Variants in TTLL9 observed in about 807,000 individuals in gnomAD.
TTLL9 encodes probable tubulin polyglutamylase TTLL9.
In TTLL9, 47 loss-of-function variants were observed where a neutral mutation model predicts 65.6. The observed-to-expected ratio is 0.72, with a 90% confidence interval of 0.57 to 0.91. The LOEUF is 0.91. Among genes scored for constraint, TTLL9 ranks in the 40% least tolerant of loss-of-function variants. The pLI is 0.00. For synonymous variants in TTLL9, 179 were observed against 204.8 expected (o/e 0.87, Z 1.07); for missense variants, 537 against 568.8 (o/e 0.94, Z 0.57).
At chr20:31,882,120 T>C (rs756604948) in intron 2 of TTLL9, among the ~76,000 whole-genome samples, 1 of 152,176 alleles carries the variant, frequency 6.6e-6, no homozygotes, top group Non-Finnish European at 1.5e-5. Context: ...ATACTTTGTG[T>C]ACCCTCACGA....
intron 3 of TTLL9, among the ~76,000 whole-genome samples, chr20:31,889,334 C>G (rs1568750268): frequency 6.6e-6 from 1 of 152,008 alleles, no homozygotes; most frequent in African/African-American, 2.4e-5. Flanking sequence ...GATCATGGCT[C>G]ACTGCAGCCT....
At chr20:31,880,248 A>T (rs2063098337) in intron 2 of TTLL9, among the ~76,000 whole-genome samples, 1 of 152,072 alleles carries the variant, frequency 6.6e-6, no homozygotes, top group African/African-American at 2.4e-5. Context: ...GACTTGGCGA[A>T]ACCCGCCTGC....
At chr20:31,926,139 G>A (rs1185287067) in intron 10 of TTLL9, 48 bp downstream of exon 10, 2 of 1,359,394 alleles carry the variant, frequency 1.5e-6, no homozygotes, top group South Asian at 1.2e-5. Flanking sequence ...CCAGTTTTGT[G>A]GGGGTGATTC....
Position 31,909,830 on chromosome 20 carries a change from T to C in TTLL9, c.412T>C (p.Phe138Leu), listed in dbSNP as rs780908850. The C allele has an allele frequency of 3.7e-6, 6 of 1,614,192 alleles. No homozygotes were observed. The Admixed American group carries it at 8.3e-5, about 22-fold the overall frequency. Reference protein sequence around the residue: ...AGKLEAAKCDFFPKTFEMPCE... With the variant: ...AGKLEAAKCDLFPKTFEMPCE... ...AAAGCTGGAGGCAGCCAAGTGTGAC[T>C]TCTTCCCCAAAACCTTTGAGATGCC... The change falls in exon 6 of 15, where the codon TTC (phenylalanine) becomes CTC (leucine). Residue 138 changes from phenylalanine (F) to leucine (L), a missense_variant. Coordinates refer to ENST00000535842, the MANE Select transcript of TTLL9 (RefSeq NM_001008409.5).
At chr20:31,876,148 T>C (rs538984454) in intron 2 of TTLL9, among the ~76,000 whole-genome samples, 1 of 152,324 alleles carries the variant, frequency 6.6e-6, no homozygotes, top group South Asian at 2.1e-4. Context: ...TATGGTATTT[T>C]ATTATTAGAA....
At chr20:31,890,063 T>G (rs539829424) in intron 3 of TTLL9, among the ~76,000 whole-genome samples, 21 of 108,866 alleles carry the variant, frequency 1.9e-4, no homozygotes, top group East Asian at 4.1e-4. Context: ...TCTTTCTCTT[T>G]CTTTCTTGCT....
intron 2 of TTLL9, among the ~76,000 whole-genome samples, chr20:31,875,894 G>A (rs6061010): frequency 1.5e-4 from 23 of 152,176 alleles, no homozygotes; most frequent in Non-Finnish European, 2.6e-4. Context: ...GTTTTGACAC[G>A]CAGGGATACT....
At chr20:31,911,124 G>A (rs1448316702) in intron 6 of TTLL9, among the ~76,000 whole-genome samples, 2 of 151,944 alleles carry the variant, frequency 1.3e-5, no homozygotes, top group Admixed American at 6.6e-5. Flanking sequence ...GCAGTAAGCC[G>A]AGATCGCCCC....
At chr20:31,940,799 G>A (rs939124766) in intron 14 of TTLL9, 5 of 152,166 alleles carry the variant, frequency 3.3e-5, no homozygotes, top group Non-Finnish European at 7.3e-5. Flanking sequence ...TGGTAGACTC[G>A]GGGTTCTAAG....
At chr20:31,881,930 T>C (rs1001775233) in intron 2 of TTLL9, among the ~76,000 whole-genome samples, 2 of 152,058 alleles carry the variant, frequency 1.3e-5, no homozygotes, top group Non-Finnish European at 2.9e-5. Flanking sequence ...AGGAAAAAAA[T>C]AGTGGACTAC....
At position 31,888,849 on chromosome 20, in the gene TTLL9, G is replaced by A. The variant is rs749373850; in HGVS notation, c.113+1610G>A. 2.0e-5 allele frequency among the ~76,000 whole-genome samples: 3 copies of A among 152,090 alleles called. No homozygotes were observed. The East Asian group carries it at 5.8e-4, about 29-fold the overall frequency. On this transcript the variant is annotated intron_variant, in intron 3 of 14. Transcript: ENST00000535842. ...GCTCTTTTAAACAACCAGATCTCCC[G>A]TGAACTAAGTGAAAACTCACTTATC...
intron 4 of TTLL9, among the ~76,000 whole-genome samples, chr20:31,901,694 A>G (rs769236227): frequency 1.3e-5 from 2 of 152,054 alleles, no homozygotes; most frequent in Non-Finnish European, 2.9e-5. Context: ...TGCTCTTCCC[A>G]GTGCTAGAAC....
chr20:31,909,046 G>T (rs1490582164), intron 5 of TTLL9, among the ~76,000 whole-genome samples: 1 of 151,800 alleles, frequency 6.6e-6, no homozygotes, highest in East Asian at 1.9e-4. Flanking sequence ...ATGGGAAGGA[G>T]GTCTAGAAGG....
At chr20:31,871,416 T>C (rs1323930692) in intron 2 of TTLL9, among the ~76,000 whole-genome samples, 1 of 152,168 alleles carries the variant, frequency 6.6e-6, no homozygotes, top group Non-Finnish European at 1.5e-5. Flanking sequence ...CTTCCTGGCT[T>C]CTAGGACCAA....
Position 31,943,310 on chromosome 20 carries a change from G to A in TTLL9, c.*289G>A, listed in dbSNP as rs1388309438. On this transcript the variant is annotated 3_prime_UTR_variant, in exon 15 of 15. Transcript: ENST00000535842. ...GGCCCAAAGAGAACAAATACAGCAA[G>A]TTCTGCTACCCCCAGGAGATCATAT... is the stretch of plus-strand genomic sequence containing the variant. 1 of 483,560 alleles carries A rather than the reference G, an allele frequency of 2.1e-6. No homozygotes were observed. Among genetic ancestry groups the A allele is most frequent in the African/African-American group, 2.0e-5 (1 of 51,172 alleles). 30.0% of individuals were successfully genotyped at this position (483,560 alleles called of 1,614,324 possible).
At chr20:31,927,624 A>G (rs942414111) in intron 10 of TTLL9, among the ~76,000 whole-genome samples, 5 of 152,146 alleles carry the variant, frequency 3.3e-5, no homozygotes, top group African/African-American at 1.2e-4. Context: ...TGAATGTATT[A>G]TCTGGTCAAA....
At chr20:31,879,169 A>T (rs1422116110) in intron 2 of TTLL9, among the ~76,000 whole-genome samples, 3 of 152,190 alleles carry the variant, frequency 2.0e-5, no homozygotes, top group Non-Finnish European at 2.9e-5. Flanking sequence ...AAAAATACAA[A>T]AATTACTCAG....
At chr20:31,906,020 T>G (rs1600567383) in intron 4 of TTLL9, among the ~76,000 whole-genome samples, 1 of 105,072 alleles carries the variant, frequency 9.5e-6, no homozygotes, top group African/African-American at 3.9e-5. Context: ...GCAACAAGAG[T>G]GAAATTTCAT....
intron 3 of TTLL9, among the ~76,000 whole-genome samples, chr20:31,887,651 C>T (rs540812357): frequency 1.3e-5 from 2 of 152,246 alleles, no homozygotes; most frequent in African/African-American, 4.8e-5. Flanking sequence ...GTCAGCTGTG[C>T]TCTGATCTTC....
Sources: gnomAD v4.1 joint callset for allele counts (sites outside exome capture counted in the v4.1 genomes callset) on GRCh38, gnomAD v4.1.1 for gene constraint, MANE v1.5 for transcripts, NCBI Gene and HGNC (gene_info 2026-07-23, HGNC 2026-07-21) for gene names.